FMO4: variants seen among roughly 807,000 people sequenced by gnomAD.
FMO4 encodes dimethylaniline monooxygenase [N-oxide-forming] 4.
A neutral mutation model predicts 43.3 loss-of-function variants in FMO4; 38 were observed. That is an observed-to-expected ratio of 0.88 (90% CI 0.68 to 1.15). FMO4 has a LOEUF of 1.15. Ranked by LOEUF, FMO4 falls within the 50% of genes most tolerant of loss-of-function variation. FMO4 has a pLI of 0.00. For synonymous variants in FMO4, 224 were observed against 232.2 expected (o/e 0.96, Z 0.32); for missense variants, 631 against 663.3 (o/e 0.95, Z 0.54).
chr1:171,327,442 T>TTTTG (rs1293049719), intron 5 of FMO4, among the ~76,000 whole-genome samples: 1 of 152,158 alleles, frequency 6.6e-6, no homozygotes. Context: ...AACCTCCCTG[T>TTTTG]TTTGTTTGTT....
chr1:171,337,988 T>A (rs1461747288), intron 9 of FMO4, among the ~76,000 whole-genome samples: 1 of 152,090 alleles, frequency 6.6e-6, no homozygotes, highest in Non-Finnish European at 1.5e-5. Context: ...AATAGGCGTC[T>A]CAAATTTAAT....
rs1473133232 is a variant in FMO4, at chr1:171,319,894, T to A, written c.69T>A (p.Asp23Glu). Residue 23 changes from aspartate (D) to glutamate (E), a missense_variant, in exon 3 of 10, where the codon GAT becomes GAA. Physicochemically the swap from Asp to Glu is conservative, Grantham distance 45 (BLOSUM62 2). Transcript: ENST00000367749. ...TCTCCTCCATCAAATGCTGTGTGGATGAGGACCTGGAGCCCACCTGCTTTG... is the reference window on the plus strand; with the variant it reads ...TCTCCTCCATCAAATGCTGTGTGGAAGAGGACCTGGAGCCCACCTGCTTTG... ...SGLSSIKCCV[D>E]EDLEPTCFER... The A allele has an allele frequency of 1.2e-6, 2 of 1,613,862 alleles. No individual in the cohort carries two copies. Among genetic ancestry groups the A allele is most frequent in the South Asian group, 2.2e-5 (2 of 91,076 alleles).
intron 1 of FMO4, among the ~76,000 whole-genome samples, chr1:171,315,293 A>C (rs1265014119): frequency 6.6e-6 from 1 of 152,176 alleles, no homozygotes; most frequent in Non-Finnish European, 1.5e-5. Context: ...CTCCAACTCA[A>C]ATAAATAAAT....
intron 3 of FMO4, among the ~76,000 whole-genome samples, chr1:171,322,173 G>A: frequency 6.6e-6 from 1 of 152,158 alleles, no homozygotes; most frequent in East Asian, 1.9e-4. Flanking sequence ...AGGTTGAGAG[G>A]ATGTTTTGTT....
At chr1:171,330,639 C>G (rs1662862693) in intron 5 of FMO4, among the ~76,000 whole-genome samples, 1 of 152,284 alleles carries the variant, frequency 6.6e-6, no homozygotes, top group Admixed American at 6.5e-5. Flanking sequence ...TATTCACTAT[C>G]AGGAGAACAG....
chr1:171,341,266 T>C (rs974751679), intron 9 of FMO4, 147 bp from the exon 10 acceptor site: 105 of 617,906 alleles, frequency 1.7e-4, no homozygotes, highest in Non-Finnish European at 2.8e-4. Context: ...AATTTCTTTC[T>C]TCCTAACATA....
chr1:171,319,557 C>G (rs1662320803), intron 2 of FMO4, among the ~76,000 whole-genome samples: 1 of 152,132 alleles, frequency 6.6e-6, no homozygotes. Context: ...ACTATTATTA[C>G]CATTCACATT....
Position 171,337,594 on chromosome 1 carries a change from C to T in FMO4, c.1250+169C>T, listed in dbSNP as rs537600557. Reference sequence around the variant, plus strand: ...AGTCCTAACTCTGCCACCAATCAGACGTGGCCTTAGACAAGTCATCTGGGG... The same window carrying T: ...AGTCCTAACTCTGCCACCAATCAGATGTGGCCTTAGACAAGTCATCTGGGG... On this transcript the variant is annotated intron_variant, in intron 9 of 9. Transcript: ENST00000367749. 4.6e-5 allele frequency among the ~76,000 whole-genome samples: 7 copies of T among 152,314 alleles called. No homozygotes were observed. In the South Asian group the frequency reaches 1.5e-3, roughly 32 times the overall value.
chr1:171,333,489 G>A (rs186420075), intron 7 of FMO4, among the ~76,000 whole-genome samples: 8 of 152,188 alleles, frequency 5.3e-5, no homozygotes, highest in Admixed American at 5.2e-4. Flanking sequence ...CTCCCAAAGT[G>A]CTGGGATTAT....
At chr1:171,318,659 G>T (rs1211987880) in intron 2 of FMO4, among the ~76,000 whole-genome samples, 1 of 152,102 alleles carries the variant, frequency 6.6e-6, no homozygotes, top group African/African-American at 2.4e-5. Flanking sequence ...TTTGGATTTT[G>T]GAGTATTTCA....
chr1:171,321,433 G>C (rs1305353349), intron 3 of FMO4, among the ~76,000 whole-genome samples: 1 of 152,070 alleles, frequency 6.6e-6, no homozygotes, highest in Non-Finnish European at 1.5e-5. Flanking sequence ...ATATTTGCAT[G>C]TAGCCTACAC....
chr1:171,321,230 G>GA (rs908477203), intron 3 of FMO4, among the ~76,000 whole-genome samples: 6 of 151,286 alleles, frequency 4.0e-5, no homozygotes, highest in Admixed American at 6.6e-5. Flanking sequence ...AACAAATAGG[G>GA]AAAAAAAAGA....
intron 3 of FMO4, among the ~76,000 whole-genome samples, chr1:171,321,485 A>C (rs988240194): frequency 6.6e-6 from 1 of 152,202 alleles, no homozygotes; most frequent in Non-Finnish European, 1.5e-5. Context: ...GATTACTTAT[A>C]ATGCCTAATA....
chr1:171,335,227 T>G (rs1663072663), intron 8 of FMO4, among the ~76,000 whole-genome samples: 1 of 152,232 alleles, frequency 6.6e-6, no homozygotes, highest in Admixed American at 6.5e-5. Context: ...AGAGCATAGA[T>G]ACTGGAGTCA....
At chr1:171,327,397 C>G (rs984810437) in intron 5 of FMO4, among the ~76,000 whole-genome samples, 10 of 152,132 alleles carry the variant, frequency 6.6e-5, no homozygotes, top group African/African-American at 2.4e-4. Context: ...CATACAGGCT[C>G]TGCTACTTAC....
At chr1:171,338,521 C>T (rs1238500595) in intron 9 of FMO4, among the ~76,000 whole-genome samples, 1 of 152,212 alleles carries the variant, frequency 6.6e-6, no homozygotes. Flanking sequence ...GGCATTCCAG[C>T]CTCCTACCTG....
At chr1:171,325,766 G>T (rs1483200765) in intron 5 of FMO4, among the ~76,000 whole-genome samples, 1 of 137,514 alleles carries the variant, frequency 7.3e-6, no homozygotes, top group Non-Finnish European at 1.5e-5. Context: ...CTTCAAGTTT[G>T]GGATTGTTTA....
At chr1:171,323,966 T>A (rs1196416583) in intron 4 of FMO4, among the ~76,000 whole-genome samples, 172 bp from the exon 5 acceptor site, 1 of 152,202 alleles carries the variant, frequency 6.6e-6, no homozygotes, top group Non-Finnish European at 1.5e-5. Context: ...TTGCCACCTT[T>A]GTGAGTTTGC....
chr1:171,334,451 T>C lies in FMO4; in HGVS notation c.868T>C (p.Cys290Arg). Residue 290 changes from cysteine to arginine, a missense_variant, in exon 8 of 10, where the codon TGT (cysteine) becomes CGT (arginine). Coordinates refer to ENST00000367749, the MANE Select transcript of FMO4 (RefSeq NM_002022.3). ...KFIVNDELPN[C>R]ILCGAITMKT... ...CATTGTGAATGATGAGCTGCCAAAC[T>C]GTATCCTCTGTGGGGCAATCACTAT... The C allele has an allele frequency of 6.2e-7, 1 of 1,605,774 alleles. No homozygotes were observed. Among genetic ancestry groups the C allele is most frequent in the Non-Finnish European group, 8.5e-7 (1 of 1,177,442 alleles).
Sources: gnomAD v4.1 joint callset for allele counts (sites outside exome capture counted in the v4.1 genomes callset) on GRCh38, gnomAD v4.1.1 for gene constraint, MANE v1.5 for transcripts, NCBI Gene and HGNC (gene_info 2026-07-23, HGNC 2026-07-21) for gene names.